The following SPHKAP variants were observed in gnomAD, a reference collection of about 807,000 sequenced individuals.
SPHKAP encodes the protein A-kinase anchor protein SPHKAP.
In SPHKAP, 67 loss-of-function variants were observed where a neutral mutation model predicts 137.5. The ratio of observed to expected loss-of-function variants is 0.49; its 90% confidence interval spans 0.40 to 0.60. The LOEUF (loss-of-function observed/expected upper bound fraction) is 0.60, where lower values mean the gene tolerates loss of function less well. Ranked by LOEUF, SPHKAP falls within the 20% of genes least tolerant of loss-of-function variation. The pLI is 0.00. For synonymous variants in SPHKAP, 813 were observed against 785.3 expected, an observed-to-expected ratio of 1.04 and a Z score of -0.59; for missense variants, 2,097 against 2,069.3, an observed-to-expected ratio of 1.01 and a Z score of -0.26.
chr2:227,990,384 G>A (rs1693370153), intron 11 of SPHKAP, among the ~76,000 whole-genome samples: 1 of 152,170 alleles, frequency 6.6e-6, no homozygotes, highest in African/African-American at 2.4e-5. Flanking sequence ...AATTGAGCTT[G>A]AAGACATTGG....
chr2:228,032,284 G>A (rs1333783775), intron 3 of SPHKAP, among the ~76,000 whole-genome samples: 1 of 152,154 alleles, frequency 6.6e-6, no homozygotes, highest in African/African-American at 2.4e-5. Flanking sequence ...GGGTATCATT[G>A]ATGGAAGATG....
At chr2:228,139,910 TTTTCTTTC>T (rs368274825) in intron 1 of SPHKAP, among the ~76,000 whole-genome samples, 533 of 137,632 alleles carry the variant, frequency 3.9e-3, no homozygotes, top group Middle Eastern at 0.011. Flanking sequence ...TCTTTATTTA[TTTTCTTTC>T]TTTCTTTCTT....
At chr2:228,013,230 T>C (rs1694454421) in intron 7 of SPHKAP, among the ~76,000 whole-genome samples, 1 of 152,204 alleles carries the variant, frequency 6.6e-6, no homozygotes, top group Admixed American at 6.5e-5. Flanking sequence ...TTTAATAAAA[T>C]CTTCACAGTG....
chr2:228,105,814 T>C (rs894421987), intron 3 of SPHKAP, among the ~76,000 whole-genome samples: 13 of 152,192 alleles, frequency 8.5e-5, no homozygotes, highest in African/African-American at 3.1e-4. Context: ...ACCATGATTG[T>C]GAGGCCTCCC....
chr2:228,091,123 T>C (rs1335939665), intron 3 of SPHKAP, among the ~76,000 whole-genome samples: 1 of 151,670 alleles, frequency 6.6e-6, no homozygotes, highest in East Asian at 1.9e-4. Context: ...CACAGTGGAG[T>C]TTGAAGGATA....
chr2:228,034,828 C>G (rs563910266), intron 3 of SPHKAP, among the ~76,000 whole-genome samples: 119 of 152,262 alleles, frequency 7.8e-4, no homozygotes, highest in African/African-American at 2.7e-3. Context: ...CAAAATTCAA[C>G]AACGCTTCAT....
intron 3 of SPHKAP, among the ~76,000 whole-genome samples, chr2:228,082,188 C>A (rs929101392): frequency 2.0e-5 from 3 of 152,120 alleles, no homozygotes; most frequent in Non-Finnish European, 2.9e-5. Context: ...GATATGAAAT[C>A]ATAAGATTTC....
chr2:228,092,229 A>G (rs1697780843), intron 3 of SPHKAP, among the ~76,000 whole-genome samples: 1 of 147,482 alleles, frequency 6.8e-6, no homozygotes, highest in African/African-American at 2.5e-5. Context: ...ACATATATAC[A>G]CACATGTATA....
chr2:228,038,522 G>A (rs996695678), intron 3 of SPHKAP, among the ~76,000 whole-genome samples: 1 of 152,172 alleles, frequency 6.6e-6, no homozygotes, highest in Non-Finnish European at 1.5e-5. Flanking sequence ...TGGAGAACAA[G>A]GCATAATTAC....
chr2:228,071,333 T>G (rs775495308), intron 3 of SPHKAP, among the ~76,000 whole-genome samples: 2 of 152,252 alleles, frequency 1.3e-5, no homozygotes, highest in Non-Finnish European at 2.9e-5. Context: ...ATGCAAATAT[T>G]TTTTGTCAAT....
chr2:227,982,326 C>A, intron 11 of SPHKAP: 1 of 985,332 alleles, frequency 1.0e-6, no homozygotes, highest in African/African-American at 1.7e-5. Context: ...CCTATTGATT[C>A]TTCATTCCAT....
At chr2:228,012,115 C>A (rs1289668418) in intron 7 of SPHKAP, among the ~76,000 whole-genome samples, 1 of 142,480 alleles carries the variant, frequency 7.0e-6, no homozygotes. Flanking sequence ...CTGCGGTGAG[C>A]CATGGTTGCA....
chr2:228,008,576 T>A (rs537895187), intron 7 of SPHKAP, among the ~76,000 whole-genome samples: 1 of 152,326 alleles, frequency 6.6e-6, no homozygotes, highest in African/African-American at 2.4e-5. Flanking sequence ...ATTATAGGCT[T>A]AAGCCACTGC....
chr2:228,002,139 C>G (rs577182673), intron 7 of SPHKAP, among the ~76,000 whole-genome samples: 34 of 152,208 alleles, frequency 2.2e-4, no homozygotes, highest in East Asian at 3.9e-4. Flanking sequence ...CCTGAGGAAT[C>G]GCCACACTGA....
intron 3 of SPHKAP, among the ~76,000 whole-genome samples, chr2:228,075,137 A>T (rs554171401): frequency 1.3e-5 from 2 of 152,324 alleles, no homozygotes; most frequent in South Asian, 4.1e-4. Flanking sequence ...ATAATTATGA[A>T]AAAAATACAA....
At chr2:228,154,529 TATA>T (rs1228051543) in intron 1 of SPHKAP, among the ~76,000 whole-genome samples, 1 of 57,904 alleles carries the variant, frequency 1.7e-5, no homozygotes, top group African/African-American at 5.8e-5. Flanking sequence ...TATATATATA[TATA>T]TTTTTTTTTT....
At chr2:228,167,829 C>T (rs1262078765) in intron 1 of SPHKAP, among the ~76,000 whole-genome samples, 1 of 152,050 alleles carries the variant, frequency 6.6e-6, no homozygotes, top group Non-Finnish European at 1.5e-5. Context: ...AATCAATTCT[C>T]TTAGTATCTT....
At chr2:227,994,178 T>A (rs1006535315) in intron 8 of SPHKAP, 1 of 575,834 alleles carries the variant, frequency 1.7e-6, no homozygotes, top group Non-Finnish European at 2.2e-6. Flanking sequence ...GAACCATAAG[T>A]ACAAAGCTGG....
At chr2:228,118,354 G>A (rs1698788357) in intron 2 of SPHKAP, among the ~76,000 whole-genome samples, 1 of 148,700 alleles carries the variant, frequency 6.7e-6, no homozygotes, top group Admixed American at 6.7e-5. Flanking sequence ...ACAGGTTTAT[G>A]TCTAAATTTA....
Sources: allele counts gnomAD v4.1 joint callset (sites outside exome capture counted in the v4.1 genomes callset), GRCh38; gene constraint gnomAD v4.1.1; transcripts MANE v1.5; gene names NCBI Gene and HGNC (gene_info 2026-07-23, HGNC 2026-07-21).